COL18A1: variants seen among roughly 807,000 people sequenced by gnomAD.
The protein encoded by COL18A1 is collagen alpha-1(XVIII) chain.
Under a neutral mutation model 168.0 loss-of-function variants are expected in COL18A1, and 133 were observed. That is an observed-to-expected ratio of 0.79 (90% CI 0.69 to 0.91). The LOEUF (loss-of-function observed/expected upper bound fraction) is 0.91, where lower values mean the gene tolerates loss of function less well. Ranked by LOEUF, COL18A1 falls within the 40% of genes least tolerant of loss-of-function variation. The pLI is 0.00. For synonymous variants in COL18A1, 949 were observed against 809.0 expected, an observed-to-expected ratio of 1.17 and a Z score of -2.94; for missense variants, 2,126 against 1,925.4, an observed-to-expected ratio of 1.10 and a Z score of -1.95.
At chr21:45,440,038 G>A (rs921335768) in intron 2 of COL18A1, among the ~76,000 whole-genome samples, 2 of 152,248 alleles carry the variant, frequency 1.3e-5, no homozygotes, top group Non-Finnish European at 1.5e-5. Flanking sequence ...AGCGGAGGCT[G>A]GCAGGCCGTG....
At chr21:45,449,274 G>A (rs1290008450) in intron 2 of COL18A1, among the ~76,000 whole-genome samples, 3 of 152,212 alleles carry the variant, frequency 2.0e-5, no homozygotes, top group African/African-American at 4.8e-5. Context: ...GGCCAGGTGC[G>A]GGGAGAAGAG....
rs1002126692 is a variant in COL18A1 at position 45,504,002 on chromosome 21, C to G, written c.2684-9C>G. On this transcript the variant is annotated splice_polypyrimidine_tract_variant and intron_variant, in intron 32 of 41. Transcript: ENST00000651438. ...CCTCAGCGAGACCCCGCCTGTCTCT[C>G]TCTTGCAGGGCAGTTTCCGTTTGAC... The G allele has an allele frequency of 6.2e-7, 1 of 1,613,368 alleles. No individual in the cohort carries two copies. The highest frequency in any genetic ancestry group is 1.3e-5 in the African/African-American group (1 of 74,752).
At chr21:45,500,291 G>GTA (rs2036715347) in intron 32 of COL18A1, among the ~76,000 whole-genome samples, 1 of 86,398 alleles carries the variant, frequency 1.2e-5, no homozygotes, top group Admixed American at 1.1e-4. Context: ...GGGGGTGTGT[G>GTA]GAGTGTATAT....
intron 2 of COL18A1, among the ~76,000 whole-genome samples, chr21:45,407,795 C>T (rs1266078349): frequency 6.6e-6 from 1 of 152,262 alleles, no homozygotes; most frequent in Non-Finnish European, 1.5e-5. Flanking sequence ...CTGCTCACCA[C>T]TAGGACCTCC....
intron 6 of COL18A1, 39 bp from the exon 7 acceptor site, chr21:45,477,371 CG>C (rs758873865): frequency 7.0e-6 from 11 of 1,566,202 alleles, no homozygotes; most frequent in Non-Finnish European, 7.8e-6. Flanking sequence ...TGGGGCCACC[CG>C]GGGGGCGTGA....
At position 45,469,808 on chromosome 21, in the gene COL18A1, G is replaced by T. The variant is rs566750303; in HGVS notation, c.651+1022G>T. ...TTGTTTGAAGTTGTTCTAAGTCCTG[G>T]TGTCTGGGGGTTCTGAAAGCTGACT... On this transcript the variant is annotated intron_variant, in intron 3 of 41. Coordinates refer to ENST00000651438, the MANE Select transcript of COL18A1 (RefSeq NM_001379500.1). Among the ~76,000 whole-genome samples the T allele has an allele frequency of 2.0e-5, 3 of 152,350 alleles. No homozygotes were observed. The South Asian group carries it at 6.2e-4, about 32-fold the overall frequency.
Position 45,473,460 on chromosome 21 carries a change from C to T in COL18A1, c.652-435C>T, listed in dbSNP as rs2035522303. Among the ~76,000 whole-genome samples the T allele has an allele frequency of 6.6e-6, 1 of 152,228 alleles. No homozygotes were observed. Among genetic ancestry groups the T allele is most frequent in the Non-Finnish European group, 1.5e-5 (1 of 68,038 alleles). Reference sequence around the variant, plus strand: ...AGAAAGCAAAGCCATGGTGCCACCTCGGTTGGTCCGAGTCGGGAGATGAGG... The same window carrying T: ...AGAAAGCAAAGCCATGGTGCCACCTTGGTTGGTCCGAGTCGGGAGATGAGG... On this transcript the variant is annotated intron_variant, in intron 3 of 41. Transcript: ENST00000651438. The surrounding 1 kb of genome is among the most constrained non-coding windows in gnomAD (Gnocchi z 4.0).
In COL18A1 at chr21:45,455,398, T is replaced by TG. The variant is rs1314801836; in HGVS notation, c.107-12838dup. On this transcript the variant is annotated intron_variant, in intron 2 of 41. Transcript: ENST00000651438. ...GGTGCCTTCTTTCCTTCTGCAAGAGTGGGGGGTGGAAGACAGCCGGCCAGA... is the reference window on the plus strand; with the variant it reads ...GGTGCCTTCTTTCCTTCTGCAAGAGTGGGGGGGTGGAAGACAGCCGGCCAGA... 17 of 1,275,326 alleles carry TG rather than the reference T, an allele frequency of 1.3e-5. No individual in the cohort carries two copies. The Admixed American group carries it at 2.6e-4, about 20-fold the overall frequency. 79.0% of individuals were successfully genotyped at this position (1,275,326 alleles called of 1,614,324 possible). A position where few individuals can be genotyped will look rare whatever the true frequency, so the allele number is the denominator to read the frequency against.
chr21:45,479,760 C>T (rs1372133012), intron 9 of COL18A1, 142 bp from the exon 10 acceptor site: 5 of 1,205,628 alleles, frequency 4.1e-6, no homozygotes, highest in Non-Finnish European at 5.8e-6. Flanking sequence ...GGCCTGGCGC[C>T]CTCGTACTTT....
Position 45,479,958 on chromosome 21 carries a change from C to T in COL18A1, c.1305C>T (p.Gly435=), listed in dbSNP as rs1131102. Reference sequence around the variant, plus strand: ...CTCCAGGGGACGTAGGTCCCAAGGGCGACAAGGTGAGTCTCCGTGGCTGGG... The same window carrying T: ...CTCCAGGGGACGTAGGTCCCAAGGGTGACAAGGTGAGTCTCCGTGGCTGGG... ...PGTPGDVGPK[G]DKGDPGVGER... is the part of the protein sequence containing the mutation. The change falls in exon 10 of 42, where the codon GGC becomes GGT. Residue 435 remains glycine, a synonymous_variant. Coordinates refer to ENST00000651438, the MANE Select transcript of COL18A1 (RefSeq NM_001379500.1). 43 of 1,613,468 alleles carry T rather than the reference C, an allele frequency of 2.7e-5. No individual in the cohort carries two copies. The highest frequency in any genetic ancestry group is 3.2e-5 in the Non-Finnish European group (38 of 1,179,874).
At position 45,468,780 on chromosome 21, in the gene COL18A1, G is replaced by A. The variant is rs1460634669; in HGVS notation, c.645G>A (p.Lys215=). ...VAQAGGADPD[K]FQGVIAELKV... The stretch of plus-strand genomic sequence containing the variant: ...AGGCGGGGGGAGCGGACCCTGACAA[G>A]TTCCAGGTAACCCCCACTGTGCCGT... The change falls in exon 3 of 42, where the codon AAG becomes AAA. Residue 215 remains lysine, a synonymous_variant. Coordinates refer to ENST00000651438, the MANE Select transcript of COL18A1 (RefSeq NM_001379500.1). The A allele has an allele frequency of 6.3e-7, 1 of 1,594,248 alleles. No homozygotes were observed. The highest frequency in any genetic ancestry group is 2.2e-5 in the East Asian group (1 of 44,646).
At chr21:45,490,439 C>A in intron 20 of COL18A1, 93 bp downstream of exon 20, 1 of 899,660 alleles carries the variant, frequency 1.1e-6, no homozygotes, top group Non-Finnish European at 1.6e-6. Flanking sequence ...TGTGCCCTCC[C>A]GGGTCCCTGG....
rs142643999 is a variant in COL18A1 at position 45,441,259 on chromosome 21, C to T, written c.107-26983C>T. 1.8e-3 allele frequency among the ~76,000 whole-genome samples: 280 copies of T among 152,328 alleles called. 1 individual carries two copies. The highest frequency in any genetic ancestry group is 3.4e-3 in the Non-Finnish European group (234 of 68,018). ...TCACCTCTACTTCTGGCACACGCTC[C>T]TCCACCTGCTGCCCTTCAGGGTTCA... On this transcript the variant is annotated intron_variant, in intron 2 of 41. Transcript: ENST00000651438.
At chr21:45,432,415 C>T (rs185423898) in intron 2 of COL18A1, among the ~76,000 whole-genome samples, 6 of 152,196 alleles carry the variant, frequency 3.9e-5, no homozygotes, top group Admixed American at 6.5e-5. Flanking sequence ...ATTTACCTAG[C>T]GGCCTCCTCT....
intron 2 of COL18A1, among the ~76,000 whole-genome samples, chr21:45,416,690 T>C (rs1321982825): frequency 1.3e-5 from 2 of 152,158 alleles, no homozygotes; most frequent in African/African-American, 4.8e-5. Flanking sequence ...TTAGTCAGAT[T>C]GGAGCTGCAT....
intron 2 of COL18A1, among the ~76,000 whole-genome samples, chr21:45,441,786 T>C (rs2034376650): frequency 6.6e-6 from 1 of 152,234 alleles, no homozygotes; most frequent in Non-Finnish European, 1.5e-5. Context: ...GATATGCAAC[T>C]ATTTCCAGCA....
At chr21:45,480,289 G>C in intron 11 of COL18A1, 133 bp downstream of exon 11, 1 of 1,234,546 alleles carries the variant, frequency 8.1e-7, no homozygotes, top group Non-Finnish European at 1.2e-6. Flanking sequence ...GGGGTCACAG[G>C]TGTGGTGGGA....
intron 15 of COL18A1, among the ~76,000 whole-genome samples, chr21:45,483,053 C>T (rs963346849): frequency 2.0e-5 from 3 of 152,236 alleles, no homozygotes; most frequent in African/African-American, 4.8e-5. Context: ...TGGCTTCCGC[C>T]GAGCTCTGGT....
intron 26 of COL18A1, 70 bp from the exon 27 acceptor site, chr21:45,494,475 G>A: frequency 6.2e-7 from 1 of 1,607,896 alleles, no homozygotes; most frequent in Admixed American, 1.7e-5. Context: ...TCGCCACAGG[G>A]GCCCTCAGAG....
Sources: allele counts gnomAD v4.1 joint callset (sites outside exome capture counted in the v4.1 genomes callset), GRCh38; gene constraint gnomAD v4.1.1; non-coding constraint Gnocchi (gnomAD v3.1); transcripts MANE v1.5; gene names NCBI Gene and HGNC (gene_info 2026-07-23, HGNC 2026-07-21).